DNAH9: variants seen among roughly 807,000 people sequenced by gnomAD.
DNAH9 encodes DNAH9 variant protein.
In DNAH9, 345 loss-of-function variants were observed where a neutral mutation model predicts 471.6. The ratio of observed to expected loss-of-function variants is 0.73; its 90% CI spans 0.67 to 0.80. The LOEUF (loss-of-function observed/expected upper bound fraction) is 0.80, where lower values mean the gene tolerates loss of function less well. DNAH9 is among the 30% of genes least tolerant of loss of function. DNAH9 has a pLI of 0.00. For missense variants in DNAH9, 5,407 were observed against 5,609.2 expected, an observed-to-expected ratio of 0.96 and a Z score of 1.15; for synonymous variants, 2,093 against 2,123.6, an observed-to-expected ratio of 0.99 and a Z score of 0.40.
At chr17:11,628,085 G>T (rs189909435) in intron 6 of DNAH9, among the ~76,000 whole-genome samples, 5 of 152,304 alleles carry the variant, frequency 3.3e-5, no homozygotes, top group East Asian at 3.9e-4. Flanking sequence ...CACACCAAAT[G>T]TTGGCCAAAA....
intron 53 of DNAH9, among the ~76,000 whole-genome samples, chr17:11,878,545 T>TTTTGTTTG (rs113781997): frequency 0.043 from 6,550 of 151,928 alleles, 401 homozygotes; most frequent in African/African-American, 0.13. Context: ...TTTTTAGTTT[T>TTTTGTTTG]TTTGTTTGTT....
chr17:11,951,395 T>C (rs1472987080), intron 67 of DNAH9, among the ~76,000 whole-genome samples: 1 of 152,210 alleles, frequency 6.6e-6, no homozygotes, highest in Non-Finnish European at 1.5e-5. Flanking sequence ...TAGTTTTTAA[T>C]GTAAGCCAGG....
intron 1 of DNAH9, among the ~76,000 whole-genome samples, chr17:11,599,162 T>C (rs1252849917): frequency 6.6e-6 from 1 of 151,504 alleles, no homozygotes; most frequent in Non-Finnish European, 1.5e-5. Flanking sequence ...GGGATCTGGG[T>C]GGAGGCCAGG....
chr17:11,948,573 A>G (rs891798116), intron 67 of DNAH9, among the ~76,000 whole-genome samples: 2 of 152,136 alleles, frequency 1.3e-5, no homozygotes, highest in African/African-American at 2.4e-5. Flanking sequence ...TGACTTGAAT[A>G]GTTCAGGTCT....
chr17:11,717,386 GAA>G (rs5819335), intron 26 of DNAH9, among the ~76,000 whole-genome samples: 93 of 144,192 alleles, frequency 6.4e-4, no homozygotes, highest in East Asian at 1.6e-3. Flanking sequence ...AAGGGAAAAG[GAA>G]AAAAAAAAAA....
intron 27 of DNAH9, among the ~76,000 whole-genome samples, chr17:11,721,635 G>A (rs910227801): frequency 1.3e-5 from 2 of 152,014 alleles, no homozygotes; most frequent in African/African-American, 4.8e-5. Context: ...GAGAGAGAGA[G>A]AGATGGATGG....
chr17:11,726,599 C>T (rs2075156764), intron 27 of DNAH9, among the ~76,000 whole-genome samples: 1 of 152,172 alleles, frequency 6.6e-6, no homozygotes, highest in African/African-American at 2.4e-5. Context: ...GTGAATATGA[C>T]ATTTGTGGTC....
At chr17:11,927,719 A>C (rs1257418782) in intron 62 of DNAH9, among the ~76,000 whole-genome samples, 1 of 152,180 alleles carries the variant, frequency 6.6e-6, no homozygotes. Flanking sequence ...GTGAGAAAGC[A>C]AGGCTCACAG....
chr17:11,617,571 G>C lies in DNAH9; in HGVS notation c.1065G>C (p.Pro355=), dbSNP rs554701984. ...CCACATGCAAGTCCTACCGCTCCCC[G>C]GGAAGGCTGACTGTGCTGCTCCAGG... ...IWATCKSYRS[P]GRLTVLLQEI... The change falls in exon 5 of 69, where the codon CCG becomes CCC. Residue 355 remains proline (P), a synonymous_variant. Coordinates refer to ENST00000262442, the MANE Select transcript of DNAH9 (RefSeq NM_001372.4). The C allele has an allele frequency of 6.2e-7, 1 of 1,613,950 alleles. No homozygotes were observed. Among genetic ancestry groups the C allele is most frequent in the African/African-American group, 1.3e-5 (1 of 74,886 alleles).
intron 67 of DNAH9, among the ~76,000 whole-genome samples, chr17:11,947,144 T>C (rs1597862769): frequency 6.6e-6 from 1 of 152,274 alleles, no homozygotes; most frequent in Non-Finnish European, 1.5e-5. Context: ...CTTTTGGGAA[T>C]TCACCACAGT....
At chr17:11,715,942 A>G (rs566149153) in intron 26 of DNAH9, among the ~76,000 whole-genome samples, 1 of 152,198 alleles carries the variant, frequency 6.6e-6, no homozygotes, top group South Asian at 2.1e-4. Context: ...GTTTGAAGAG[A>G]TGAGCGCTCT....
chr17:11,614,595 G>A (rs1050627270), intron 4 of DNAH9, among the ~76,000 whole-genome samples: 1 of 152,218 alleles, frequency 6.6e-6, no homozygotes, highest in African/African-American at 2.4e-5. Flanking sequence ...GAATACCACA[G>A]CCTGGGTAAT....
In DNAH9 at chr17:11,886,919, T is replaced by A; in HGVS notation, c.11066T>A (p.Met3689Lys). ...AARASLLYFI[M>K]NDLSKIHPMY... ...AGGGCCTCACTGCTCTACTTCATCA[T>A]GAACGACCTCAGCAAGATCCATCCA... The change falls in exon 57 of 69, where the codon ATG (methionine) becomes AAG (lysine). Residue 3689 changes from methionine to lysine, a missense_variant. By Grantham distance (95) the Met-to-Lys change is moderately conservative. Transcript: ENST00000262442. 1 of 1,613,120 alleles carries A rather than the reference T, an allele frequency of 6.2e-7. No homozygotes were observed. The highest frequency in any genetic ancestry group is 8.5e-7 in the Non-Finnish European group (1 of 1,179,614).
At chr17:11,835,606 G>A (rs1352613216) in intron 49 of DNAH9, among the ~76,000 whole-genome samples, 2 of 152,094 alleles carry the variant, frequency 1.3e-5, no homozygotes, top group Non-Finnish European at 2.9e-5. Flanking sequence ...GGAAAAGAGG[G>A]GCAGTCAGAC....
chr17:11,815,059 T>C (rs562211309), intron 45 of DNAH9, among the ~76,000 whole-genome samples: 2 of 152,314 alleles, frequency 1.3e-5, no homozygotes, highest in South Asian at 4.1e-4. Context: ...GCTCACTGGC[T>C]GTGCCCTCAA....
chr17:11,657,990 A>T (rs1289517653), intron 14 of DNAH9, among the ~76,000 whole-genome samples: 2 of 152,048 alleles, frequency 1.3e-5, no homozygotes, highest in African/African-American at 4.8e-5. Flanking sequence ...GGTCATTTTG[A>T]CTAGTATAAG....
At chr17:11,718,973 G>A (rs1408968578) in intron 26 of DNAH9, among the ~76,000 whole-genome samples, 1 of 152,152 alleles carries the variant, frequency 6.6e-6, no homozygotes. Flanking sequence ...GGGATGATTG[G>A]GGGAGGATCA....
intron 36 of DNAH9, 48 bp from the exon 37 acceptor site, chr17:11,768,402 GCTT>G (rs1448610141): frequency 1.3e-6 from 2 of 1,580,400 alleles, no homozygotes; most frequent in Admixed American, 1.7e-5. Context: ...TCCTGTGTGG[GCTT>G]CTTGAGTTCT....
At chr17:11,868,853 G>T (rs927202658) in intron 50 of DNAH9, among the ~76,000 whole-genome samples, 2 of 152,064 alleles carry the variant, frequency 1.3e-5, no homozygotes, top group Non-Finnish European at 2.9e-5. Flanking sequence ...CTGCGGTGGT[G>T]GGGTATGAAG....
Sources: gnomAD v4.1 joint callset for allele counts (sites outside exome capture counted in the v4.1 genomes callset) on GRCh38, gnomAD v4.1.1 for gene constraint, MANE v1.5 for transcripts, NCBI Gene and HGNC (gene_info 2026-07-23, HGNC 2026-07-21) for gene names.